DYNAP: variants seen among roughly 807,000 people sequenced by gnomAD.
DYNAP encodes the protein dynactin-associated protein.
A neutral mutation model predicts 8.5 loss-of-function variants in DYNAP; 7 were observed. The observed-to-expected ratio is 0.82, with a 90% confidence interval of 0.47 to 1.54. The LOEUF (loss-of-function observed/expected upper bound fraction) is 1.54. Among genes scored for constraint, DYNAP ranks in the 40% most tolerant of loss-of-function variants. The pLI, the probability that DYNAP is intolerant of heterozygous loss-of-function variation, is 0.01. For synonymous variants in DYNAP, 77 were observed against 77.9 expected, an observed-to-expected ratio of 0.99 and a Z score of 0.06; for missense variants, 256 against 224.3, an observed-to-expected ratio of 1.14 and a Z score of -0.90.
intron 1 of DYNAP, among the ~76,000 whole-genome samples, chr18:54,593,450 G>A (rs1911163692): frequency 6.6e-6 from 1 of 152,120 alleles, no homozygotes; most frequent in African/African-American, 2.4e-5. Context: ...ATTGCTACAA[G>A]CATTTGGCAG....
At chr18:54,585,184 G>A (rs1910834057), upstream of DYNAP, among the ~76,000 whole-genome samples, 1 of 151,888 alleles carries the variant, frequency 6.6e-6, no homozygotes, top group African/African-American at 2.4e-5. Flanking sequence ...AGTTAACAGT[G>A]TGACTAGATT....
chr18:54,598,429 T>C lies in DYNAP; in HGVS notation c.*284T>C. ...CCACTTCCACTTAACCTATAACTAC[T>C]GTAACTTCTACTTAGCCTACAGTAA... On this transcript the variant is annotated 3_prime_UTR_variant, in exon 3 of 3. Transcript: ENST00000648945. The C allele has an allele frequency of 2.8e-6, 1 of 354,486 alleles. No individual in the cohort carries two copies. The highest frequency in any genetic ancestry group is 6.1e-5 in the South Asian group (1 of 16,344). 22.0% of individuals were successfully genotyped at this position (354,486 alleles called of 1,614,324 possible).
At chr18:54,577,080 G>T in the DYNAP span, among the ~76,000 whole-genome samples, 6 of 151,954 alleles carry the variant, frequency 3.9e-5, no homozygotes, top group Admixed American at 6.6e-5. Flanking sequence ...ATTTTAAAAA[G>T]AAATTTCTAA....
chr18:54,594,898 G>A (rs776927554), intron 1 of DYNAP, 41 bp from the exon 2 acceptor site: 1 of 1,569,728 alleles, frequency 6.4e-7, no homozygotes, highest in East Asian at 2.3e-5. Context: ...CAACACCATG[G>A]TTTCCTAGGC....
chr18:54,598,226 C>T lies in DYNAP; in HGVS notation c.*81C>T, dbSNP rs1911398686. 3.6e-6 allele frequency: 5 copies of T among 1,385,070 alleles called. No individual in the cohort carries two copies. The highest frequency in any genetic ancestry group is 1.4e-5 in the South Asian group (1 of 73,694). The allele number at this position is 1,385,070 out of a possible 1,614,324, so 85.8% of individuals were successfully genotyped here. A position where few individuals can be genotyped will look rare whatever the true frequency, so the allele number is the denominator to read the frequency against. ...TCAGTTTGCAACTATAATAGCTACTCCTATCACTTCAAGTGGAATCATGGC... is the reference window on the plus strand; with the variant it reads ...TCAGTTTGCAACTATAATAGCTACTTCTATCACTTCAAGTGGAATCATGGC... On this transcript the variant is annotated 3_prime_UTR_variant, in exon 3 of 3. Transcript: ENST00000648945.
the DYNAP span, among the ~76,000 whole-genome samples, chr18:54,581,447 C>G: frequency 6.6e-6 from 1 of 152,204 alleles, no homozygotes; most frequent in South Asian, 2.1e-4. Flanking sequence ...GCCTACTGTA[C>G]TATAACCAGC....
chr18:54,595,503 TC>T (rs113482748), intron 2 of DYNAP, among the ~76,000 whole-genome samples: 70 of 152,114 alleles, frequency 4.6e-4, no homozygotes, highest in African/African-American at 1.5e-3. Context: ...TGGGTCCTAT[TC>T]TTTTGGCGAT....
intron 1 of DYNAP, among the ~76,000 whole-genome samples, chr18:54,591,600 T>C (rs552524343): frequency 6.6e-6 from 1 of 152,266 alleles, no homozygotes; most frequent in South Asian, 2.1e-4. Flanking sequence ...GATATACAAA[T>C]AGATCCATTT....
chr18:54,578,022 G>A, the DYNAP span, among the ~76,000 whole-genome samples: 2 of 152,070 alleles, frequency 1.3e-5, no homozygotes, highest in African/African-American at 4.8e-5. Context: ...CTGGGACTGT[G>A]GGACTGAAAA....
chr18:54,595,023 C>T lies in DYNAP; in HGVS notation c.142C>T (p.Pro48Ser). The change falls in exon 2 of 3, where the codon CCC becomes TCC. Residue 48 changes from proline (P) to serine (S), a missense_variant. Physicochemically the swap from Pro to Ser is moderately conservative, Grantham distance 74 (BLOSUM62 -1). Transcript: ENST00000648945. ...PSNDITSDVS[P>S]NLTGVCVNPG... ...AAATGATATAACCAGTGATGTCTCT[C>T]CCAACTTAACTGGGGTCTGCGTGAA... 1.2e-6 allele frequency: 2 copies of T among 1,612,908 alleles called. No homozygotes were observed. The highest frequency in any genetic ancestry group is 1.7e-6 in the Non-Finnish European group (2 of 1,179,204).
At chr18:54,593,027 A>T (rs531612670) in intron 1 of DYNAP, among the ~76,000 whole-genome samples, 5 of 152,336 alleles carry the variant, frequency 3.3e-5, no homozygotes, top group African/African-American at 1.2e-4. Flanking sequence ...ATTAACAAAG[A>T]TAAATTCAAC....
chr18:54,578,886 G>A, the DYNAP span, among the ~76,000 whole-genome samples: 3 of 151,922 alleles, frequency 2.0e-5, no homozygotes, highest in South Asian at 2.1e-4. Flanking sequence ...TGCAACCTCC[G>A]CCTCCTGGGT....
chr18:54,589,365 A>G (rs186916119), upstream of DYNAP, among the ~76,000 whole-genome samples: 1 of 152,300 alleles, frequency 6.6e-6, no homozygotes, highest in Admixed American at 6.5e-5. Flanking sequence ...AGAGGTATCC[A>G]TGCTGTCTGT....
chr18:54,577,602 CA>C, the DYNAP span, among the ~76,000 whole-genome samples: 1,425 of 66,290 alleles, frequency 0.021, 13 homozygotes, highest in South Asian at 0.07. Flanking sequence ...AATCTTGTTT[CA>C]AAAAAAAAAA....
upstream of DYNAP, chr18:54,587,943 T>G (rs1910937653): frequency 5.0e-6 from 2 of 399,992 alleles, no homozygotes; most frequent in African/African-American, 2.1e-5. Flanking sequence ...TAGAAGTTGT[T>G]ATATATTTAT....
chr18:54,593,917 G>A (rs990668136), intron 1 of DYNAP, among the ~76,000 whole-genome samples: 2 of 152,050 alleles, frequency 1.3e-5, no homozygotes, highest in African/African-American at 4.8e-5. Flanking sequence ...CTGGGTTACA[G>A]AGAGAGATCC....
upstream of DYNAP, among the ~76,000 whole-genome samples, chr18:54,585,604 A>G (rs1417296030): frequency 2.0e-5 from 3 of 152,134 alleles, no homozygotes; most frequent in Non-Finnish European, 4.4e-5. Context: ...CACCAGCTTC[A>G]TCCCTCAAAG....
Position 54,598,242 on chromosome 18 carries a change from GA to G in DYNAP, c.*99del. On this transcript the variant is annotated 3_prime_UTR_variant, in exon 3 of 3. Transcript: ENST00000648945. ...ATAGCTACTCCTATCACTTCAAGTG[GA>G]ATCATGGCTGCAGTCACTTTAACAG... 5.5e-6 allele frequency: 7 copies of G among 1,275,288 alleles called. No homozygotes were observed. The highest frequency in any genetic ancestry group is 7.6e-6 in the Non-Finnish European group (7 of 924,274). The allele number at this position is 1,275,288 out of a possible 1,614,324, so 79.0% of individuals were successfully genotyped here. A position where few individuals can be genotyped will look rare whatever the true frequency, so the allele number is the denominator to read the frequency against.
chr18:54,583,625 T>G (rs1465386854), upstream of DYNAP, among the ~76,000 whole-genome samples: 1 of 152,206 alleles, frequency 6.6e-6, no homozygotes, highest in Non-Finnish European at 1.5e-5. Flanking sequence ...AGAGTTATGA[T>G]AACATGCTTA....
Sources: allele counts gnomAD v4.1 joint callset (sites outside exome capture counted in the v4.1 genomes callset), GRCh38; gene constraint gnomAD v4.1.1; transcripts MANE v1.5; gene names NCBI Gene and HGNC (gene_info 2026-07-23, HGNC 2026-07-21).